Variants in HERC4 observed in about 807,000 individuals in gnomAD.
The protein encoded by HERC4 is probable E3 ubiquitin-protein ligase HERC4.
HERC4 carries 28 observed loss-of-function variants against 124.3 expected under a neutral mutation model. The ratio of observed to expected loss-of-function variants is 0.23; its 90% CI spans 0.17 to 0.31. The LOEUF (loss-of-function observed/expected upper bound fraction) is 0.31, where lower values mean the gene tolerates loss of function less well. Ranked by LOEUF, HERC4 falls within the 10% of genes least tolerant of loss-of-function variation. The pLI, the probability that HERC4 is intolerant of heterozygous loss-of-function variation, is 1.00. For missense variants in HERC4, 713 were observed against 1,229.3 expected (o/e 0.58, Z 6.28); for synonymous variants, 407 against 421.5 (o/e 0.97, Z 0.42).
chr10:68,052,706 AT>A (rs2040375015), intron 3 of HERC4, among the ~76,000 whole-genome samples: 3 of 152,234 alleles, frequency 2.0e-5, no homozygotes. Flanking sequence ...CATATAGAGT[AT>A]CATCAACTCC....
intron 4 of HERC4, among the ~76,000 whole-genome samples, chr10:68,038,865 G>A (rs532875818): frequency 1.5e-4 from 23 of 152,032 alleles, no homozygotes; most frequent in African/African-American, 5.1e-4. Flanking sequence ...TTACCACAAC[G>A]CAACTTTAAA....
At chr10:67,998,874 G>C (rs1290928119) in intron 9 of HERC4, among the ~76,000 whole-genome samples, 1 of 151,916 alleles carries the variant, frequency 6.6e-6, no homozygotes, top group Non-Finnish European at 1.5e-5. Context: ...CGAGCAGCTG[G>C]GACTACAGGT....
At chr10:67,978,892 C>T (rs1219029269) in intron 15 of HERC4, among the ~76,000 whole-genome samples, 1 of 152,222 alleles carries the variant, frequency 6.6e-6, no homozygotes, top group Non-Finnish European at 1.5e-5. Context: ...CTTTATGAGT[C>T]TGCCAGAACC....
At chr10:68,058,018 C>T (rs2040641952) in intron 3 of HERC4, among the ~76,000 whole-genome samples, 1 of 152,042 alleles carries the variant, frequency 6.6e-6, no homozygotes, top group Non-Finnish European at 1.5e-5. Context: ...AATTATTAAT[C>T]ATTAAATAAC....
chr10:68,013,785 C>T (rs939849254), intron 9 of HERC4, among the ~76,000 whole-genome samples: 1 of 152,146 alleles, frequency 6.6e-6, no homozygotes, highest in Non-Finnish European at 1.5e-5. Flanking sequence ...TGGTATGTAG[C>T]CATCTTCTAG....
intron 15 of HERC4, among the ~76,000 whole-genome samples, chr10:67,985,127 G>A (rs1391989366): frequency 6.6e-6 from 1 of 152,132 alleles, no homozygotes; most frequent in East Asian, 1.9e-4. Flanking sequence ...GTCTTCCTTA[G>A]TCCTTCATAG....
chr10:68,039,871 G>A (rs2039673795), intron 4 of HERC4: 1 of 996,320 alleles, frequency 1.0e-6, no homozygotes, highest in South Asian at 4.3e-5. Context: ...ACTATTCTGA[G>A]TATCAAGTAC....
intron 5 of HERC4, among the ~76,000 whole-genome samples, 181 bp downstream of exon 5, chr10:68,037,904 GTGTGTGTT>G (rs2039560949): frequency 6.6e-6 from 1 of 152,142 alleles, no homozygotes; most frequent in Admixed American, 6.5e-5. Flanking sequence ...AGCAGTGTGT[GTGTGTGTT>G]TGTGTGTGTA....
intron 15 of HERC4, among the ~76,000 whole-genome samples, chr10:67,968,067 T>C (rs1392192759): frequency 6.6e-6 from 1 of 152,042 alleles, no homozygotes; most frequent in East Asian, 1.9e-4. Context: ...TTAAAAACAC[T>C]GGAGATCCAC....
At chr10:68,013,223 C>T (rs2038072464) in intron 9 of HERC4, among the ~76,000 whole-genome samples, 1 of 152,178 alleles carries the variant, frequency 6.6e-6, no homozygotes, top group Non-Finnish European at 1.5e-5. Context: ...GTCATCATTG[C>T]ACACTTAGTA....
At chr10:68,046,124 C>T (rs2040000881) in intron 3 of HERC4, among the ~76,000 whole-genome samples, 1 of 150,252 alleles carries the variant, frequency 6.7e-6, no homozygotes, top group African/African-American at 2.5e-5. Context: ...ATATGACACA[C>T]ACTGTTCCAA....
chr10:67,964,120 A>T (rs1380688494), intron 16 of HERC4, among the ~76,000 whole-genome samples: 1 of 130,462 alleles, frequency 7.7e-6, no homozygotes, highest in African/African-American at 2.7e-5. Flanking sequence ...GCTCCTCTTC[A>T]ATGCAGAACT....
At chr10:68,017,236 A>G (rs1439174088) in intron 8 of HERC4, among the ~76,000 whole-genome samples, 1 of 152,190 alleles carries the variant, frequency 6.6e-6, no homozygotes, top group African/African-American at 2.4e-5. Flanking sequence ...AGTCCCAAGA[A>G]CGAGATATGT....
At chr10:67,944,941 C>T (rs528927791) in intron 19 of HERC4, among the ~76,000 whole-genome samples, 8 of 152,252 alleles carry the variant, frequency 5.3e-5, no homozygotes, top group South Asian at 2.1e-4. Context: ...GAATGAAGCA[C>T]TCCTACAAGA....
At chr10:68,059,434 C>CTTTTATAATAATATTATA (rs2040717232) in intron 3 of HERC4, among the ~76,000 whole-genome samples, 1 of 100,142 alleles carries the variant, frequency 1.0e-5, no homozygotes, top group African/African-American at 4.7e-5. Flanking sequence ...GTTTCTCTCG[C>CTTTTATAATAATATTATA]TATTATAATA....
rs1196222140 is a variant in HERC4, at chr10:68,072,925, C to G, written c.184G>C (p.Asp62His). The G allele has an allele frequency of 6.2e-7, 1 of 1,612,788 alleles. No homozygotes were observed. Among genetic ancestry groups the G allele is most frequent in the African/African-American group, 1.3e-5 (1 of 75,028 alleles). Residue 62 changes from aspartate to histidine, a missense_variant, in exon 3 of 25, where the codon GAT (aspartate) becomes CAT (histidine). By Grantham distance (81) the Asp-to-His change is moderately conservative. Transcript: ENST00000373700. ...TTTTCATGACCTAGCTGTCCTAGAT[C>G]ATTACATCCACATGTGTACACTGTT... ...DGTVYTCGCN[D>H]LGQLGHEKSR...
chr10:68,033,758 A>G (rs1320483702), intron 6 of HERC4, among the ~76,000 whole-genome samples: 1 of 152,190 alleles, frequency 6.6e-6, no homozygotes, highest in Non-Finnish European at 1.5e-5. Flanking sequence ...CATTTTGTCC[A>G]GATATACTTT....
intron 3 of HERC4, chr10:68,070,003 C>T (rs1479237085): frequency 1.4e-5 from 11 of 806,276 alleles, no homozygotes; most frequent in Middle Eastern, 6.5e-4. Flanking sequence ...GATCGTGCCA[C>T]TGCATTCCAG....
rs986005114 is a variant in HERC4 at position 68,032,759 on chromosome 10, A to G, written c.777+19T>C. On this transcript the variant is annotated intron_variant, in intron 7 of 24. Coordinates refer to ENST00000373700, the MANE Select transcript of HERC4 (RefSeq NM_015601.4). ...GAACTATGATGAGTAATAATAAAGAAGTTTTAGAAGTACAATACCTTGGTT... is the reference window on the plus strand; with the variant it reads ...GAACTATGATGAGTAATAATAAAGAGGTTTTAGAAGTACAATACCTTGGTT... 8.1e-7 allele frequency: 1 copy of G among 1,236,308 alleles called. No individual in the cohort carries two copies. The highest frequency in any genetic ancestry group is 1.2e-6 in the Non-Finnish European group (1 of 840,738). 76.6% of individuals were successfully genotyped at this position (1,236,308 alleles called of 1,614,324 possible). A position where few individuals can be genotyped will look rare whatever the true frequency, so the allele number is the denominator to read the frequency against.
Sources: gnomAD v4.1 joint callset for allele counts (sites outside exome capture counted in the v4.1 genomes callset) on GRCh38, gnomAD v4.1.1 for gene constraint, MANE v1.5 for transcripts, NCBI Gene and HGNC (gene_info 2026-07-23, HGNC 2026-07-21) for gene names.